Variants in EOGT observed in about 807,000 individuals in gnomAD.
The protein encoded by EOGT is EGF domain-specific O-linked N-acetylglucosamine transferase.
EOGT carries 55 observed loss-of-function variants against 70.5 expected under a neutral mutation model. The observed-to-expected ratio is 0.78, with a 90% CI of 0.63 to 0.98. EOGT has a LOEUF of 0.98. Among genes scored for constraint, EOGT ranks in the 50% least tolerant of loss-of-function variants. The pLI, the probability that EOGT is intolerant of heterozygous loss-of-function variation, is 0.00. For missense variants in EOGT, 703 were observed against 641.9 expected (o/e 1.10, Z -1.03); for synonymous variants, 246 against 217.1 (o/e 1.13, Z -1.17).
At chr3:68,999,460 A>G (rs7623091) in intron 9 of EOGT, among the ~76,000 whole-genome samples, 1 of 152,240 alleles carries the variant, frequency 6.6e-6, no homozygotes, top group African/African-American at 2.4e-5. Flanking sequence ...TTTTAAAGGT[A>G]GGAAAATGCT....
chr3:68,981,831 CT>C lies in EOGT; in HGVS notation c.1214+979del, dbSNP rs566273792. 2.8e-3 allele frequency among the ~76,000 whole-genome samples: 393 copies of C among 142,774 alleles called. 2 individuals carry two copies. Among genetic ancestry groups the C allele is most frequent in the Non-Finnish European group, 3.7e-3 (248 of 67,246 alleles). The allele number at this position is 142,774 out of a possible 152,430, so 93.7% of individuals were successfully genotyped here. A position where few individuals can be genotyped will look rare whatever the true frequency, so the allele number is the denominator to read the frequency against. ...GTTTATAACATCTAAATTTTGATAACTTTTTTGTTATCAAACATTTGATAAT... is the reference window on the plus strand; with the variant it reads ...GTTTATAACATCTAAATTTTGATAACTTTTTGTTATCAAACATTTGATAAT... On this transcript the variant is annotated intron_variant, in intron 15 of 17. Coordinates refer to ENST00000383701, the MANE Select transcript of EOGT (RefSeq NM_001278689.2).
intron 9 of EOGT, among the ~76,000 whole-genome samples, chr3:69,001,121 T>C (rs1244338741): frequency 1.3e-5 from 2 of 152,128 alleles, no homozygotes; most frequent in African/African-American, 2.4e-5. Context: ...CACGCCCAGC[T>C]AATTTTTTGT....
At chr3:68,987,654 T>TC (rs2090854781) in intron 13 of EOGT, 141 bp from the exon 14 acceptor site, 1 of 657,434 alleles carries the variant, frequency 1.5e-6, no homozygotes, top group Non-Finnish European at 2.6e-6. Flanking sequence ...TTAGCTTGAT[T>TC]CCTTCACCAC....
At chr3:69,009,383 T>TTA (rs762901342) in intron 4 of EOGT, among the ~76,000 whole-genome samples, 61 of 152,224 alleles carry the variant, frequency 4.0e-4, no homozygotes, top group Non-Finnish European at 8.4e-4. Context: ...AATTGCTTCT[T>TTA]TACAGAGTTT....
chr3:68,989,096 G>T, intron 10 of EOGT, 79 bp from the exon 11 acceptor site: 1 of 762,242 alleles, frequency 1.3e-6, no homozygotes, highest in East Asian at 2.9e-5. Flanking sequence ...CAAAATACCT[G>T]AATTTGCCTG....
chr3:69,007,645 C>A, intron 6 of EOGT, 68 bp downstream of exon 6: 2 of 1,084,710 alleles, frequency 1.8e-6, no homozygotes, highest in South Asian at 1.5e-5. Flanking sequence ...GACAGAAACT[C>A]CGTCTCAAAA....
At chr3:69,002,890 A>C (rs2107346775) in intron 8 of EOGT, among the ~76,000 whole-genome samples, 1 of 151,902 alleles carries the variant, frequency 6.6e-6, no homozygotes, top group East Asian at 1.9e-4. Flanking sequence ...CTGGTCTTGA[A>C]CTCCTGGCTT....
intron 6 of EOGT, among the ~76,000 whole-genome samples, chr3:69,007,321 A>C (rs2091460812): frequency 6.6e-6 from 1 of 152,198 alleles, no homozygotes; most frequent in South Asian, 2.1e-4. Context: ...ATTACAAGCT[A>C]AATGATAAAT....
In EOGT at chr3:68,977,324, CAAA is replaced by C. The variant is rs59164738; in HGVS notation, c.*291_*293del. 7.4e-4 allele frequency: 136 copies of C among 182,998 alleles called. No homozygotes were observed. The highest frequency in any genetic ancestry group is 4.0e-3 in the Middle Eastern group (2 of 504). The allele number at this position is 182,998 out of a possible 1,614,324, so 11.3% of individuals were successfully genotyped here. A position where few individuals can be genotyped will look rare whatever the true frequency, so the allele number is the denominator to read the frequency against. On this transcript the variant is annotated 3_prime_UTR_variant, in exon 18 of 18. Coordinates refer to ENST00000383701, the MANE Select transcript of EOGT (RefSeq NM_001278689.2). ...CTGGGTGACAGTGAGACTCTGTCTC[CAAA>C]AAAAAAAAAAGAAAGAAAGAAAGTT...
At chr3:68,998,194 T>C (rs1047792262) in intron 9 of EOGT, 80 bp from the exon 10 acceptor site, 1 of 772,506 alleles carries the variant, frequency 1.3e-6, no homozygotes, top group East Asian at 2.7e-5. Context: ...CCCATCTATT[T>C]ACAGTTTAAG....
Position 68,992,023 on chromosome 3 carries a change from C to T in EOGT, c.832-3006G>A, listed in dbSNP as rs140705546. Among the ~76,000 whole-genome samples the T allele has an allele frequency of 3.3e-5, 5 of 152,230 alleles. No individual in the cohort carries two copies. In the East Asian group the frequency reaches 9.7e-4, roughly 29 times the overall value. ...TGATTCAATTACCTCCCCTTGGGTCCCTCCCATAAGATGTGGGAATTCTGG... is the reference window on the plus strand; with the variant it reads ...TGATTCAATTACCTCCCCTTGGGTCTCTCCCATAAGATGTGGGAATTCTGG... On this transcript the variant is annotated intron_variant, in intron 10 of 17. Transcript: ENST00000383701.
At chr3:68,992,053 T>C (rs1192935317) in intron 10 of EOGT, among the ~76,000 whole-genome samples, 8 of 152,280 alleles carry the variant, frequency 5.3e-5, no homozygotes, top group Admixed American at 3.9e-4. Flanking sequence ...TTCTGGGAGA[T>C]GCAATTCAAG....
At chr3:68,997,371 CTTTTT>C (rs796115630) in intron 10 of EOGT, among the ~76,000 whole-genome samples, 1 of 141,492 alleles carries the variant, frequency 7.1e-6, no homozygotes. Flanking sequence ...GAATGACAGC[CTTTTT>C]TTTTTTTTTT....
chr3:68,996,063 T>C (rs1488089065), intron 10 of EOGT, among the ~76,000 whole-genome samples: 1 of 152,228 alleles, frequency 6.6e-6, no homozygotes, highest in African/African-American at 2.4e-5. Flanking sequence ...GAGTGTGGCC[T>C]GACTTCACTG....
intron 10 of EOGT, among the ~76,000 whole-genome samples, chr3:68,996,177 T>C (rs1042211450): frequency 6.6e-6 from 1 of 152,012 alleles, no homozygotes; most frequent in South Asian, 2.1e-4. Flanking sequence ...AAGAGGAAAA[T>C]GTAAATGCAT....
intron 9 of EOGT, among the ~76,000 whole-genome samples, chr3:69,000,755 A>C (rs2091274032): frequency 6.6e-6 from 1 of 152,178 alleles, no homozygotes; most frequent in African/African-American, 2.4e-5. Flanking sequence ...CTAGTTCGCA[A>C]AGTTAAAGCT....
intron 6 of EOGT, among the ~76,000 whole-genome samples, 161 bp downstream of exon 6, chr3:69,007,552 T>C (rs940959566): frequency 7.4e-6 from 1 of 136,044 alleles, no homozygotes; most frequent in Non-Finnish European, 1.5e-5. Context: ...CTCAGGAGGC[T>C]GAAGCAGGAG....
intron 14 of EOGT, 44 bp downstream of exon 14, chr3:68,987,401 T>C (rs1431412938): frequency 5.5e-6 from 7 of 1,280,084 alleles, no homozygotes; most frequent in South Asian, 1.3e-5. Context: ...ATTTGCTCTA[T>C]GAATTGAATA....
Position 68,979,753 on chromosome 3 carries a change from G to A in EOGT, c.1249C>T (p.His417Tyr), listed in dbSNP as rs1224317210. The change falls in exon 16 of 18, where the codon CAC becomes TAC. Residue 417 changes from histidine (H) to tyrosine (Y), a missense_variant. Physicochemically the swap from His to Tyr is moderately conservative, Grantham distance 83 (BLOSUM62 2). Transcript: ENST00000383701. ...ATTCCAATAAATATGTCCGTGTTGTGTGTGATCCTTAGTTGATCTAAAAAC... is the reference window on the plus strand; with the variant it reads ...ATTCCAATAAATATGTCCGTGTTGTATGTGATCCTTAGTTGATCTAAAAAC... ...LGFLDQLRITHNTDIFIGMHG... is the reference protein window; with the variant it reads ...LGFLDQLRITYNTDIFIGMHG... 5.6e-6 allele frequency: 9 copies of A among 1,613,380 alleles called. No homozygotes were observed. The highest frequency in any genetic ancestry group is 2.7e-5 in the African/African-American group (2 of 74,866).
Sources: gnomAD v4.1 joint callset for allele counts (sites outside exome capture counted in the v4.1 genomes callset) on GRCh38, gnomAD v4.1.1 for gene constraint, MANE v1.5 for transcripts, NCBI Gene and HGNC (gene_info 2026-07-23, HGNC 2026-07-21) for gene names.